The following PID1 variants were observed in gnomAD, a reference collection of about 807,000 sequenced individuals.
PID1 encodes PTB-containing, cubilin and LRP1-interacting protein.
PID1 carries 10 observed loss-of-function variants against 19.1 expected under a neutral mutation model. That is an observed-to-expected ratio of 0.52 (90% CI 0.32 to 0.89). The LOEUF (loss-of-function observed/expected upper bound fraction) is 0.89, where lower values mean the gene tolerates loss of function less well. PID1 is among the 40% of genes least tolerant of loss of function. PID1 has a pLI of 0.03. For missense variants in PID1, 248 were observed against 285.3 expected (o/e 0.87, Z 0.94); for synonymous variants, 130 against 116.0 (o/e 1.12, Z -0.78).
chr2:229,204,099 G>A (rs1691554989), intron 1 of PID1, among the ~76,000 whole-genome samples: 1 of 152,040 alleles, frequency 6.6e-6, no homozygotes, highest in South Asian at 2.1e-4. Context: ...GAAGAACCCT[G>A]ATCAATACAC....
At chr2:229,227,618 T>C (rs984749861) in intron 1 of PID1, among the ~76,000 whole-genome samples, 1 of 152,176 alleles carries the variant, frequency 6.6e-6, no homozygotes, top group African/African-American at 2.4e-5. Flanking sequence ...GCAGATAGAA[T>C]TCTACTGGGA....
intron 2 of PID1, among the ~76,000 whole-genome samples, chr2:229,070,845 A>G (rs1694437284): frequency 2.0e-5 from 3 of 152,210 alleles, no homozygotes. Context: ...CTTTCTTATC[A>G]GCTTACCCAG....
At chr2:229,149,058 G>T (rs1690193969) in intron 2 of PID1, among the ~76,000 whole-genome samples, 1 of 149,536 alleles carries the variant, frequency 6.7e-6, no homozygotes, top group Non-Finnish European at 1.5e-5. Flanking sequence ...TATTATATTA[G>T]ATTCTATGTA....
intron 2 of PID1, among the ~76,000 whole-genome samples, chr2:229,046,725 A>T (rs916277784): frequency 6.6e-6 from 1 of 152,180 alleles, no homozygotes; most frequent in Non-Finnish European, 1.5e-5. Context: ...AGAGGAACCC[A>T]AACAGTCACT....
chr2:229,061,841 C>T (rs541620983), intron 2 of PID1, among the ~76,000 whole-genome samples: 3 of 151,920 alleles, frequency 2.0e-5, no homozygotes, highest in Admixed American at 6.6e-5. Context: ...AATTTACTTC[C>T]GTTTTCTTGA....
intron 2 of PID1, among the ~76,000 whole-genome samples, chr2:229,094,850 A>C (rs1370089126): frequency 6.6e-6 from 1 of 152,140 alleles, no homozygotes; most frequent in African/African-American, 2.4e-5. Flanking sequence ...AACTCAAACA[A>C]ATCAGCAAGA....
chr2:229,146,031 A>G (rs1378044428), intron 2 of PID1, among the ~76,000 whole-genome samples: 1 of 152,230 alleles, frequency 6.6e-6, no homozygotes, highest in Non-Finnish European at 1.5e-5. Flanking sequence ...AAAAATAAAC[A>G]TAACCTAAAA....
chr2:229,147,248 T>A (rs1690154255), intron 2 of PID1, among the ~76,000 whole-genome samples: 2 of 152,228 alleles, frequency 1.3e-5, no homozygotes, highest in African/African-American at 4.8e-5. Context: ...TGCAGCTTTT[T>A]ACAAAATGTT....
chr2:229,139,735 T>A (rs1348878940), intron 2 of PID1, among the ~76,000 whole-genome samples: 1 of 152,162 alleles, frequency 6.6e-6, no homozygotes, highest in Non-Finnish European at 1.5e-5. Context: ...CATTTTAATG[T>A]CTTTAACATC....
chr2:229,271,109 G>A lies in PID1; in HGVS notation c.-66C>T, dbSNP rs1403867025. 3.3e-6 allele frequency: 5 copies of A among 1,512,668 alleles called. No individual in the cohort carries two copies. In the Admixed American group the frequency reaches 6.1e-5, roughly 18 times the overall value. 93.7% of individuals were successfully genotyped at this position (1,512,668 alleles called of 1,614,324 possible). A position where few individuals can be genotyped will look rare whatever the true frequency, so the allele number is the denominator to read the frequency against. On this transcript the variant is annotated 5_prime_UTR_variant, in exon 1 of 3. Coordinates refer to ENST00000392055, the MANE Select transcript of PID1 (RefSeq NM_001100818.2). ...CTGTCGATCGCGCCGGGGGGCGAGGGGCTGGGGTCCCGCTTTACATCTGGG... is the reference window on the plus strand; with the variant it reads ...CTGTCGATCGCGCCGGGGGGCGAGGAGCTGGGGTCCCGCTTTACATCTGGG...
chr2:229,101,874 T>C (rs1229061042), intron 2 of PID1, among the ~76,000 whole-genome samples: 2 of 152,180 alleles, frequency 1.3e-5, no homozygotes, highest in African/African-American at 4.8e-5. Context: ...ATATTACATG[T>C]TACAGGGAAG....
chr2:229,151,708 C>T (rs565475489), intron 2 of PID1, among the ~76,000 whole-genome samples: 53 of 151,964 alleles, frequency 3.5e-4, no homozygotes, highest in Non-Finnish European at 4.0e-4. Context: ...GTAGCTGCGA[C>T]GACAGGTGCC....
intron 2 of PID1, among the ~76,000 whole-genome samples, chr2:229,120,124 G>C (rs1419694050): frequency 2.0e-5 from 3 of 152,012 alleles, no homozygotes; most frequent in African/African-American, 7.2e-5. Flanking sequence ...TTTCTAGAAA[G>C]ATATTTCTTA....
intron 2 of PID1, among the ~76,000 whole-genome samples, chr2:229,086,514 AACCATCTTAAGTCAGG>A (rs1694769437): frequency 6.6e-6 from 1 of 152,220 alleles, no homozygotes; most frequent in Admixed American, 6.5e-5. Context: ...TCATAAGTCA[AACCATCTTAAGTCAGG>A]ACCTTCTGCA....
chr2:229,145,618 A>T (rs1690113638), intron 2 of PID1, among the ~76,000 whole-genome samples: 1 of 152,162 alleles, frequency 6.6e-6, no homozygotes, highest in South Asian at 2.1e-4. Flanking sequence ...TCAGACATGC[A>T]TATTATACTC....
At chr2:229,194,815 T>C (rs548589658) in intron 1 of PID1, among the ~76,000 whole-genome samples, 1 of 152,100 alleles carries the variant, frequency 6.6e-6, no homozygotes, top group African/African-American at 2.4e-5. Flanking sequence ...ACAATTAACA[T>C]TCCTATATTA....
intron 2 of PID1, among the ~76,000 whole-genome samples, chr2:229,037,270 C>T (rs887743454): frequency 1.3e-5 from 2 of 151,818 alleles, no homozygotes; most frequent in Admixed American, 1.3e-4. Flanking sequence ...GAAATATATA[C>T]CACGGAGGAA....
At chr2:229,066,686 C>G (rs1386366573) in intron 2 of PID1, among the ~76,000 whole-genome samples, 4 of 151,792 alleles carry the variant, frequency 2.6e-5, no homozygotes, top group African/African-American at 4.8e-5. Context: ...TTGAAAGGAG[C>G]AAGTTTCTAT....
intron 1 of PID1, among the ~76,000 whole-genome samples, chr2:229,256,810 G>A (rs1296068792): frequency 6.6e-6 from 1 of 152,172 alleles, no homozygotes; most frequent in African/African-American, 2.4e-5. Context: ...TACGCTCTTT[G>A]TAGTCCATAT....
Sources: gnomAD v4.1 joint callset for allele counts (sites outside exome capture counted in the v4.1 genomes callset) on GRCh38, gnomAD v4.1.1 for gene constraint, MANE v1.5 for transcripts, NCBI Gene and HGNC (gene_info 2026-07-23, HGNC 2026-07-21) for gene names.